MET: variants seen among roughly 807,000 people sequenced by gnomAD.
The protein encoded by MET is MET proto-oncogene, receptor tyrosine kinase, also known as hepatocyte growth factor receptor.
MET carries 48 observed loss-of-function variants against 133.1 expected under a neutral mutation model. That is an observed-to-expected ratio of 0.36 (90% CI 0.29 to 0.46). The LOEUF (loss-of-function observed/expected upper bound fraction) is 0.46, where lower values mean the gene tolerates loss of function less well. Ranked by LOEUF, MET falls within the 20% of genes least tolerant of loss-of-function variation. MET has a pLI of 1.00. For missense variants in MET, 1,442 were observed against 1,695.9 expected, an observed-to-expected ratio of 0.85 and a Z score of 2.63; for synonymous variants, 628 against 616.5, an observed-to-expected ratio of 1.02 and a Z score of -0.28.
At chr7:116,771,188 G>A (rs1794817537) in intron 12 of MET, among the ~76,000 whole-genome samples, 1 of 152,104 alleles carries the variant, frequency 6.6e-6, no homozygotes, top group East Asian at 1.9e-4. Flanking sequence ...CACTGTACTG[G>A]AATCATTTAT....
At position 116,759,112 on chromosome 7, in the gene MET, C is replaced by T. The variant is rs537881614; in HGVS notation, c.2265-279C>T. Among the ~76,000 whole-genome samples, 347 of 152,092 alleles carry T rather than the reference C, an allele frequency of 2.3e-3. 2 individuals are homozygous for T. Among genetic ancestry groups the T allele is most frequent in the Non-Finnish European group, 4.1e-3 (282 of 67,992 alleles). ...TCAGTCTAGCAACAATAGTTAAGTT[C>T]GGTTTTCTTTGTATTTTTTTCAGAG... On this transcript the variant is annotated intron_variant, in intron 9 of 20. Transcript: ENST00000397752.
chr7:116,779,010 C>T (rs1334473920), intron 17 of MET, 53 bp downstream of exon 17: 2 of 1,587,334 alleles, frequency 1.3e-6, no homozygotes, highest in South Asian at 1.1e-5. Context: ...AGCCAGCCAT[C>T]CCTTCAAAAT....
chr7:116,700,198 G>A lies in MET; in HGVS notation c.1114G>A (p.Asp372Asn), dbSNP rs773200558. The A allele has an allele frequency of 2.5e-6, 4 of 1,593,284 alleles. No homozygotes were observed. The highest frequency in any genetic ancestry group is 4.5e-5 in the East Asian group (2 of 44,782). The change falls in exon 2 of 21, where the codon GAC becomes AAC. Residue 372 changes from aspartate (D) to asparagine (N), a missense_variant. Physicochemically the swap from Asp to Asn is conservative, Grantham distance 23 (BLOSUM62 1). Coordinates refer to ENST00000397752, the MANE Select transcript of MET (RefSeq NM_000245.4). The stretch of plus-strand genomic sequence containing the variant: ...TGCATTCCCTATCAAATATGTCAAC[G>A]ACTTCTTCAACAAGATCGTCAACAA... ...MCAFPIKYVN[D>N]FFNKIVNKNN...
At chr7:116,763,554 G>C (rs1794490519) in intron 11 of MET, among the ~76,000 whole-genome samples, 1 of 152,160 alleles carries the variant, frequency 6.6e-6, no homozygotes, top group Non-Finnish European at 1.5e-5. Context: ...GCATTATCTT[G>C]CTGATGTTAT....
chr7:116,716,492 AG>A (rs1792232046), intron 2 of MET, among the ~76,000 whole-genome samples: 1 of 145,960 alleles, frequency 6.9e-6, no homozygotes, highest in African/African-American at 2.5e-5. Context: ...AAAGAAAGAA[AG>A]AAAGAAAGAA....
intron 2 of MET, among the ~76,000 whole-genome samples, chr7:116,712,898 G>GT: frequency 6.6e-6 from 1 of 152,290 alleles, no homozygotes; most frequent in East Asian, 1.9e-4. Flanking sequence ...CTCTGCTCCC[G>GT]TAAGGTTTTC....
At position 116,777,408 on chromosome 7, in the gene MET, T is replaced by C. The variant is rs1310832219; in HGVS notation, c.3279T>C (p.Tyr1093=). The C allele has an allele frequency of 1.2e-6, 2 of 1,613,794 alleles. No homozygotes were observed. The highest frequency in any genetic ancestry group is 2.7e-5 in the African/African-American group (2 of 74,936). The change falls in exon 16 of 21, where the codon TAT becomes TAC. Residue 1093 remains tyrosine (Y), a synonymous_variant. Coordinates refer to ENST00000397752, the MANE Select transcript of MET (RefSeq NM_000245.4). ...VIGRGHFGCV[Y]HGTLLDNDGK... is the part of the protein sequence containing the mutation. The stretch of plus-strand genomic sequence containing the variant: ...GCACAGGGCATTTTGGTTGTGTATA[T>C]CATGGGACTTTGTTGGACAATGATG...
chr7:116,763,496 G>A (rs934735885), intron 11 of MET, among the ~76,000 whole-genome samples: 1 of 152,280 alleles, frequency 6.6e-6, no homozygotes, highest in South Asian at 2.1e-4. Context: ...GTATTAAAAC[G>A]TAGCAAATGT....
intron 3 of MET, 90 bp from the exon 4 acceptor site, chr7:116,739,860 A>G: frequency 1.3e-6 from 2 of 1,576,248 alleles, no homozygotes; most frequent in African/African-American, 1.3e-5. Context: ...AGCCCTGCTA[A>G]TCTGTTATTA....
intron 2 of MET, among the ~76,000 whole-genome samples, chr7:116,726,143 G>GTATATA (rs1301312767): frequency 1.3e-4 from 1 of 7,834 alleles, no homozygotes; most frequent in Non-Finnish European, 2.7e-4. Flanking sequence ...CTATATATAT[G>GTATATA]TATATATATA....
At chr7:116,782,193 T>C (rs1795178158) in intron 18 of MET, 96 bp downstream of exon 18, 2 of 846,138 alleles carry the variant, frequency 2.4e-6, no homozygotes, top group Non-Finnish European at 3.9e-6. Context: ...TTTCTCTTCT[T>C]ATGCAAAAGT....
chr7:116,746,166 G>A (rs1193980038), intron 5 of MET, among the ~76,000 whole-genome samples: 1 of 152,140 alleles, frequency 6.6e-6, no homozygotes, highest in African/African-American at 2.4e-5. Context: ...GCAGTCAAAA[G>A]ACACATGAAA....
At chr7:116,706,087 C>T (rs1791780411) in intron 2 of MET, among the ~76,000 whole-genome samples, 1 of 152,062 alleles carries the variant, frequency 6.6e-6, no homozygotes, top group African/African-American at 2.4e-5. Context: ...TTTTTATAAC[C>T]TAATAGCAAG....
intron 1 of MET, among the ~76,000 whole-genome samples, chr7:116,687,781 A>G (rs538580541): frequency 1.2e-3 from 179 of 152,366 alleles, no homozygotes; most frequent in Non-Finnish European, 1.9e-3. Flanking sequence ...AAATAGCACT[A>G]CAAGGAACGC....
In MET at chr7:116,795,996, T is replaced by C. The variant is rs2117112055; in HGVS notation, c.4045T>C (p.Tyr1349His). ...AIFSTFIGEH[Y>H]VHVNATYVNV... The stretch of plus-strand genomic sequence containing the variant: ...CTTCTCTACTTTCATTGGGGAGCAC[T>C]ATGTCCATGTGAACGCTACTTATGT... Residue 1349 changes from tyrosine to histidine, a missense_variant, in exon 21 of 21, where the codon TAT becomes CAT. Tyr to His is a moderately conservative substitution (Grantham distance 83). Transcript: ENST00000397752. The C allele has an allele frequency of 6.2e-7, 1 of 1,614,034 alleles. No homozygotes were observed. Among genetic ancestry groups the C allele is most frequent in the Middle Eastern group, 1.6e-4 (1 of 6,062 alleles).
chr7:116,742,519 C>G (rs1793499978), intron 5 of MET, among the ~76,000 whole-genome samples: 1 of 152,168 alleles, frequency 6.6e-6, no homozygotes, highest in African/African-American at 2.4e-5. Flanking sequence ...TAAATCACAA[C>G]AATTTCATTT....
chr7:116,770,381 A>G (rs975573807), intron 12 of MET, among the ~76,000 whole-genome samples: 2 of 152,190 alleles, frequency 1.3e-5, no homozygotes, highest in Non-Finnish European at 2.9e-5. Flanking sequence ...GGGTTTCAGT[A>G]TATTATATTG....
At chr7:116,756,030 G>A (rs1794166552) in intron 6 of MET, among the ~76,000 whole-genome samples, 1 of 152,152 alleles carries the variant, frequency 6.6e-6, no homozygotes, top group African/African-American at 2.4e-5. Context: ...GCAATATATG[G>A]GCTGTATCTC....
rs980266955 is a variant in MET at position 116,796,326 on chromosome 7, G to C, written c.*202G>C. 14 of 608,016 alleles carry C rather than the reference G, an allele frequency of 2.3e-5. No individual in the cohort carries two copies. The East Asian group carries it at 3.7e-4, about 16-fold the overall frequency. 37.7% of individuals were successfully genotyped at this position (608,016 alleles called of 1,614,324 possible). Reference sequence around the variant, plus strand: ...CCAGAGGCTTGGTCCCACAGGCCACGGACCAATGGCCTGCAGCCGTGACAA... The same window carrying C: ...CCAGAGGCTTGGTCCCACAGGCCACCGACCAATGGCCTGCAGCCGTGACAA... On this transcript the variant is annotated 3_prime_UTR_variant, in exon 21 of 21. Coordinates refer to ENST00000397752, the MANE Select transcript of MET (RefSeq NM_000245.4).
Sources: allele counts gnomAD v4.1 joint callset (sites outside exome capture counted in the v4.1 genomes callset), GRCh38; gene constraint gnomAD v4.1.1; transcripts MANE v1.5; gene names NCBI Gene and HGNC (gene_info 2026-07-23, HGNC 2026-07-21).